Variants in SELENOK observed in about 807,000 individuals in gnomAD.
SELENOK encodes the protein selenoprotein K.
In SELENOK, 11 loss-of-function variants were observed where a neutral mutation model predicts 17.3. The ratio of observed to expected loss-of-function variants is 0.63; its 90% confidence interval spans 0.40 to 1.05. The LOEUF (loss-of-function observed/expected upper bound fraction) is 1.05, where lower values mean the gene tolerates loss of function less well. Ranked by LOEUF, SELENOK falls within the 50% of genes least tolerant of loss-of-function variation. The pLI, the probability that SELENOK is intolerant of heterozygous loss-of-function variation, is 0.00. For missense variants in SELENOK, 125 were observed against 113.9 expected, an observed-to-expected ratio of 1.10 and a Z score of -0.44; for synonymous variants, 45 against 35.4, an observed-to-expected ratio of 1.27 and a Z score of -0.97.
intron 1 of SELENOK, 138 bp from the exon 2 acceptor site, chr3:53,888,621 C>A: frequency 1.5e-6 from 1 of 688,812 alleles, no homozygotes; most frequent in Admixed American, 2.6e-5. Flanking sequence ...CAGAAGAAAT[C>A]TGTGAGCATC....
Position 53,885,451 on chromosome 3 carries a change from G to A in SELENOK, c.*107C>T, listed in dbSNP as rs1700117814. The A allele has an allele frequency of 2.8e-6, 3 of 1,081,126 alleles. No individual in the cohort carries two copies. The highest frequency in any genetic ancestry group is 2.0e-5 in the Admixed American group (1 of 48,846). 67.0% of individuals were successfully genotyped at this position (1,081,126 alleles called of 1,614,324 possible). On this transcript the variant is annotated 3_prime_UTR_variant, in exon 5 of 5. Transcript: ENST00000495461. ...GAGGACACAGAGCAGTCCTTGTTTA[G>A]ACATACACATTCATCTACTGCTCAT...
chr3:53,885,359 T>C lies in SELENOK; in HGVS notation c.*199A>G, dbSNP rs1234935281. The C allele has an allele frequency of 6.0e-6, 3 of 497,704 alleles. No individual in the cohort carries two copies. The highest frequency in any genetic ancestry group is 2.0e-5 in the African/African-American group (1 of 50,448). The allele number at this position is 497,704 out of a possible 1,614,324, so 30.8% of individuals were successfully genotyped here. ...GTAATGAGACAAACATCTGCATTTA[T>C]GGAACTGCATGTCAGTCAGGCCAGT... On this transcript the variant is annotated 3_prime_UTR_variant, in exon 5 of 5. Coordinates refer to ENST00000495461, the MANE Select transcript of SELENOK (RefSeq NM_021237.5).
chr3:53,885,822 T>G lies in SELENOK; in HGVS notation c.281+4A>C. 6.3e-7 allele frequency: 1 copy of G among 1,577,596 alleles called. No homozygotes were observed. The highest frequency in any genetic ancestry group is 8.6e-7 in the Non-Finnish European group (1 of 1,159,086). On this transcript the variant is annotated splice_donor_region_variant and intron_variant, in intron 4 of 4. Coordinates refer to ENST00000495461, the MANE Select transcript of SELENOK (RefSeq NM_021237.5). ...CTACAAAAGAATTTCAGATCTGAAG[T>G]TACCTTCCTCATCCACCAGCCATTG...
intron 2 of SELENOK, chr3:53,888,053 T>C (rs984868568): frequency 2.4e-5 from 4 of 165,966 alleles, no homozygotes; most frequent in South Asian, 1.8e-4. Context: ...GAAAGTTGCA[T>C]GCACAAAGAA....
At chr3:53,890,052 T>C (rs971524901) in intron 1 of SELENOK, among the ~76,000 whole-genome samples, 5 of 152,198 alleles carry the variant, frequency 3.3e-5, no homozygotes, top group African/African-American at 1.2e-4. Context: ...CCCACTCACC[T>C]CTACCCACTC....
intron 1 of SELENOK, among the ~76,000 whole-genome samples, chr3:53,890,033 A>C (rs192669353): frequency 6.6e-6 from 1 of 152,172 alleles, no homozygotes; most frequent in African/African-American, 2.4e-5. Flanking sequence ...CATTATCCCA[A>C]GAGTTAACCC....
chr3:53,891,725 A>G, intron 1 of SELENOK, 45 bp downstream of exon 1: 1 of 1,612,612 alleles, frequency 6.2e-7, no homozygotes, highest in Non-Finnish European at 8.5e-7. Context: ...CTGGAGTCCG[A>G]TCTTACAAGT....
chr3:53,890,522 C>A (rs1404767062), intron 1 of SELENOK, among the ~76,000 whole-genome samples: 1 of 152,174 alleles, frequency 6.6e-6, no homozygotes, highest in Non-Finnish European at 1.5e-5. Flanking sequence ...GAGTCCTAAT[C>A]GGCTACTTAT....
intron 2 of SELENOK, 111 bp from the exon 3 acceptor site, chr3:53,887,045 G>T: frequency 1.3e-6 from 1 of 781,648 alleles, no homozygotes; most frequent in Non-Finnish European, 2.0e-6. Flanking sequence ...AACCCACTTA[G>T]CTCCTAACCC....
chr3:53,890,534 T>C (rs990308137), intron 1 of SELENOK, among the ~76,000 whole-genome samples: 6 of 152,214 alleles, frequency 3.9e-5, no homozygotes, highest in African/African-American at 1.2e-4. Flanking sequence ...GCTACTTATG[T>C]GGACCAAATG....
intron 1 of SELENOK, among the ~76,000 whole-genome samples, 198 bp downstream of exon 1, chr3:53,891,572 G>A (rs1229123205): frequency 1.3e-5 from 2 of 152,172 alleles, no homozygotes; most frequent in African/African-American, 2.4e-5. Flanking sequence ...GCGGGACCTC[G>A]GCCCCCGACT....
Position 53,888,436 on chromosome 3 carries a change from T to C in SELENOK, c.67A>G (p.Ile23Val). ...RSQSPWRLSL[I>V]TDFFWGIAEF... ...GCTATTCCCCAGAAGAAATCTGTTA[T>C]CAAAGATAATCTCCATGGAGACTGA... is the stretch of plus-strand genomic sequence containing the variant. The change falls in exon 2 of 5, where the codon ATA becomes GTA. Residue 23 changes from isoleucine (I) to valine (V), a missense_variant. By Grantham distance (29) the Ile-to-Val change is conservative. Transcript: ENST00000495461. The C allele has an allele frequency of 6.2e-7, 1 of 1,612,680 alleles. No homozygotes were observed. The highest frequency in any genetic ancestry group is 8.5e-7 in the Non-Finnish European group (1 of 1,179,660).
At chr3:53,887,776 A>G (rs552821652) in intron 2 of SELENOK, among the ~76,000 whole-genome samples, 64 of 152,316 alleles carry the variant, frequency 4.2e-4, no homozygotes, top group African/African-American at 1.5e-3. Flanking sequence ...TTGCATCCCT[A>G]CAGTTCCCTG....
intron 3 of SELENOK, among the ~76,000 whole-genome samples, chr3:53,886,350 C>T (rs542818102): frequency 3.9e-5 from 6 of 152,280 alleles, no homozygotes; most frequent in Middle Eastern, 3.4e-3. Flanking sequence ...AATTCTCCTG[C>T]CTCAGCCTCC....
Position 53,891,797 on chromosome 3 carries a change from A to G in SELENOK, c.-9T>C. ...TTCGAGATGTAAACCATCTTGTCCC[A>G]CTTCCCCGCTTCGGAGCCACCGGGC... On this transcript the variant is annotated 5_prime_UTR_variant, in exon 1 of 5. Transcript: ENST00000495461. The G allele has an allele frequency of 6.2e-7, 1 of 1,613,860 alleles. No individual in the cohort carries two copies. The highest frequency in any genetic ancestry group is 8.5e-7 in the Non-Finnish European group (1 of 1,179,792).
intron 1 of SELENOK, among the ~76,000 whole-genome samples, chr3:53,890,262 G>A (rs1199686322): frequency 6.6e-6 from 1 of 152,048 alleles, no homozygotes; most frequent in Non-Finnish European, 1.5e-5. Context: ...GTATTCCAGG[G>A]CTAGCCATCA....
rs1319250002 is a variant in SELENOK, at chr3:53,886,883, G to A, written c.162C>T (p.Asn54=). ...CATCATCATATCTGGAATCAGATGAGTTTCCATAGCTTCTTCTTTTTTTCA... is the reference window on the plus strand; with the variant it reads ...CATCATCATATCTGGAATCAGATGAATTTCCATAGCTTCTTCTTTTTTTCA... ...QDVKKRRSYG[N]SSDSRYDDGR... is the part of the protein sequence containing the mutation. The change falls in exon 3 of 5, where the codon AAC becomes AAT. Residue 54 remains asparagine, a synonymous_variant. Coordinates refer to ENST00000495461, the MANE Select transcript of SELENOK (RefSeq NM_021237.5). The A allele has an allele frequency of 6.4e-7, 1 of 1,572,318 alleles. No homozygotes were observed. Among genetic ancestry groups the A allele is most frequent in the Non-Finnish European group, 8.6e-7 (1 of 1,157,200 alleles).
At chr3:53,885,949 G>A (rs1039190323) in intron 3 of SELENOK, 37 bp from the exon 4 acceptor site, 17 of 1,337,964 alleles carry the variant, frequency 1.3e-5, no homozygotes, top group Non-Finnish European at 1.7e-5. Flanking sequence ...CTGTTTGATA[G>A]ACACAACTTG....
At position 53,886,698 on chromosome 3, in the gene SELENOK, A is replaced by C. The variant is rs577759268; in HGVS notation, c.194+153T>G. 9.2e-5 allele frequency among the ~76,000 whole-genome samples: 14 copies of C among 152,372 alleles called. 1 individual carries two copies. In the South Asian group the frequency reaches 1.4e-3, roughly 16 times the overall value. On this transcript the variant is annotated intron_variant, in intron 3 of 4. Coordinates refer to ENST00000495461, the MANE Select transcript of SELENOK (RefSeq NM_021237.5). ...ATTAACTGATTATTATCAAATCAGAAGCAATTTGACTTTTAATTTACAGTA... is the reference window on the plus strand; with the variant it reads ...ATTAACTGATTATTATCAAATCAGACGCAATTTGACTTTTAATTTACAGTA...
Sources: allele counts gnomAD v4.1 joint callset (sites outside exome capture counted in the v4.1 genomes callset), GRCh38; gene constraint gnomAD v4.1.1; transcripts MANE v1.5; gene names NCBI Gene and HGNC (gene_info 2026-07-23, HGNC 2026-07-21).